Variants in FANCC observed in about 807,000 individuals in gnomAD.
The protein encoded by FANCC is FA complementation group C.
A neutral mutation model predicts 71.3 loss-of-function variants in FANCC; 55 were observed. The observed-to-expected ratio is 0.77, with a 90% CI of 0.62 to 0.97. The LOEUF (loss-of-function observed/expected upper bound fraction) is 0.97, where lower values mean the gene tolerates loss of function less well. Ranked by LOEUF, FANCC falls within the 50% of genes least tolerant of loss-of-function variation. The pLI, the probability that FANCC is intolerant of heterozygous loss-of-function variation, is 0.00. For missense variants in FANCC, 678 were observed against 670.9 expected (o/e 1.01, Z -0.12); for synonymous variants, 275 against 244.9 (o/e 1.12, Z -1.15).
At chr9:95,291,204 A>T (rs1335697001) in intron 1 of FANCC, among the ~76,000 whole-genome samples, 1 of 152,218 alleles carries the variant, frequency 6.6e-6, no homozygotes, top group Non-Finnish European at 1.5e-5. Context: ...TATCCAACAC[A>T]GCACTGGAAA....
intron 1 of FANCC, among the ~76,000 whole-genome samples, chr9:95,255,277 A>G (rs1588366646): frequency 6.6e-6 from 1 of 152,084 alleles, no homozygotes; most frequent in African/African-American, 2.4e-5. Context: ...ACTTCCAAGC[A>G]GGGGTCGACA....
chr9:95,267,072 G>A (rs543942665), intron 1 of FANCC, among the ~76,000 whole-genome samples: 80 of 152,206 alleles, frequency 5.3e-4, no homozygotes, highest in African/African-American at 1.8e-3. Flanking sequence ...GCAAGACCCC[G>A]AGGACAAAAC....
At chr9:95,110,221 A>AGAAAT (rs2071802759) in intron 13 of FANCC, 1 of 996,836 alleles carries the variant, frequency 1.0e-6, no homozygotes, top group African/African-American at 1.7e-5. Context: ...AGAACTTTCT[A>AGAAAT]GAAATTAAGT....
At chr9:95,179,481 G>A (rs1826209540) in intron 4 of FANCC, among the ~76,000 whole-genome samples, 1 of 152,136 alleles carries the variant, frequency 6.6e-6, no homozygotes, top group Admixed American at 6.5e-5. Flanking sequence ...AGAGTAGCTG[G>A]GATTACAGGT....
At position 95,216,646 on chromosome 9, in the gene FANCC, G is replaced by A. The variant is rs566772765; in HGVS notation, c.345+24003C>T. 4.1e-4 allele frequency among the ~76,000 whole-genome samples: 62 copies of A among 152,306 alleles called. 2 individuals are homozygous for A. In the South Asian group the frequency reaches 0.011, roughly 27 times the overall value. ...GAATAATGTCTTCCTCCACGAAAAA[G>A]GAAGTTTGTTTGCAGCCTATTATAA... is the stretch of plus-strand genomic sequence containing the variant. On this transcript the variant is annotated intron_variant, in intron 4 of 14. Coordinates refer to ENST00000289081, the MANE Select transcript of FANCC (RefSeq NM_000136.3).
At position 95,114,718 on chromosome 9, in the gene FANCC, T is replaced by C. The variant is rs1256220248; in HGVS notation, c.1073-8A>G. The stretch of plus-strand genomic sequence containing the variant: ...AGTGTCCCCGAGGGATATCTGCGGG[T>C]GGAGAGAGATACGTCAGAGGGCAAC... On this transcript the variant is annotated splice_polypyrimidine_tract_variant and splice_region_variant and intron_variant, in intron 11 of 14. Coordinates refer to ENST00000289081, the MANE Select transcript of FANCC (RefSeq NM_000136.3). 7 of 1,613,080 alleles carry C rather than the reference T, an allele frequency of 4.3e-6. No individual in the cohort carries two copies. The Admixed American group carries it at 1.0e-4, about 23-fold the overall frequency.
Position 95,126,580 on chromosome 9 carries a change from G to A in FANCC, c.845C>T (p.Pro282Leu). The change falls in exon 9 of 15, where the codon CCT (proline) becomes CTT (leucine). Residue 282 changes from proline to leucine, a missense_variant and splice_region_variant. Coordinates refer to ENST00000289081, the MANE Select transcript of FANCC (RefSeq NM_000136.3). ...TATGGCAGGGTGGCAGGCTGCTTGA[G>A]GCTGTAAAAGGAGAAGACCATGAGA... The part of the protein sequence containing the change: ...IECFIKDSSL[P>L]QAACHPAIFR... The A allele has an allele frequency of 6.2e-7, 1 of 1,613,994 alleles. No individual in the cohort carries two copies. Among genetic ancestry groups the A allele is most frequent in the Non-Finnish European group, 8.5e-7 (1 of 1,179,908 alleles).
chr9:95,168,705 T>C (rs1825466693), intron 6 of FANCC, among the ~76,000 whole-genome samples: 1 of 152,202 alleles, frequency 6.6e-6, no homozygotes. Flanking sequence ...TAATTTGTAC[T>C]TTTAGTAGAG....
chr9:95,283,378 T>C (rs1332171936), intron 1 of FANCC, among the ~76,000 whole-genome samples: 2 of 152,252 alleles, frequency 1.3e-5, no homozygotes, highest in East Asian at 1.9e-4. Context: ...TAGAGTCAGC[T>C]TGGGTTACTC....
rs533955432 is a variant in FANCC, at chr9:95,240,895, T to C, written c.251-152A>G. The C allele has an allele frequency of 9.7e-5, 61 of 630,638 alleles. No individual in the cohort carries two copies. In the African/African-American group the frequency reaches 1.0e-3, roughly 10 times the overall value. 39.1% of individuals were successfully genotyped at this position (630,638 alleles called of 1,614,324 possible). ...ACATTTGCTTTCTCGCCATCATACTTTGCACATTCTCTTTCTGCTGATGGG... is the reference window on the plus strand; with the variant it reads ...ACATTTGCTTTCTCGCCATCATACTCTGCACATTCTCTTTCTGCTGATGGG... On this transcript the variant is annotated intron_variant, in intron 3 of 14. Coordinates refer to ENST00000289081, the MANE Select transcript of FANCC (RefSeq NM_000136.3).
At chr9:95,159,911 T>C (rs972914818) in intron 6 of FANCC, among the ~76,000 whole-genome samples, 1 of 152,230 alleles carries the variant, frequency 6.6e-6, no homozygotes, top group Non-Finnish European at 1.5e-5. Context: ...AAGTTCTTTG[T>C]AGATTCTGGA....
At chr9:95,305,824 TCTC>T (rs1313746865) in intron 1 of FANCC, among the ~76,000 whole-genome samples, 1 of 152,180 alleles carries the variant, frequency 6.6e-6, no homozygotes, top group Admixed American at 6.5e-5. Flanking sequence ...AGAAATGACT[TCTC>T]AGCCTTGAAT....
chr9:95,188,624 T>C (rs1826882461), intron 4 of FANCC, among the ~76,000 whole-genome samples: 1 of 152,208 alleles, frequency 6.6e-6, no homozygotes, highest in African/African-American at 2.4e-5. Context: ...CAGTAAACCT[T>C]ATCATCCTTC....
intron 2 of FANCC, among the ~76,000 whole-genome samples, chr9:95,248,824 G>A (rs1831155546): frequency 1.3e-5 from 2 of 152,206 alleles, no homozygotes; most frequent in Middle Eastern, 3.4e-3. Context: ...AGATTCAAGG[G>A]ACACAAAGGC....
In FANCC at chr9:95,203,391, A is replaced by AAAAAC. The variant is rs1264120868; in HGVS notation, c.346-31245_346-31244insGTTTT. ...AAGACCCTGTCTCAAAAAAAAAAAA[A>AAAAAC]AAAAACACCTGAAAATGTGAAGGAG... On this transcript the variant is annotated intron_variant, in intron 4 of 14. Transcript: ENST00000289081. 1.3e-4 allele frequency among the ~76,000 whole-genome samples: 20 copies of AAAAAC among 151,704 alleles called. No homozygotes were observed. In the South Asian group the frequency reaches 4.2e-3, roughly 32 times the overall value.
At position 95,200,634 on chromosome 9, in the gene FANCC, TATA is replaced by T. The variant is rs1229622669; in HGVS notation, c.346-28490_346-28488del. On this transcript the variant is annotated intron_variant, in intron 4 of 14. Coordinates refer to ENST00000289081, the MANE Select transcript of FANCC (RefSeq NM_000136.3). ...ATCTCATCTATAACATGGAGATAAT[TATA>T]TCTGCCCTGGGGTATCATGAGGTTG... Among the ~76,000 whole-genome samples, 7 of 152,328 alleles carry T rather than the reference TATA, an allele frequency of 4.6e-5. No individual in the cohort carries two copies. In the East Asian group the frequency reaches 1.3e-3, roughly 29 times the overall value.
intron 6 of FANCC, among the ~76,000 whole-genome samples, chr9:95,155,299 GGGGAGA>G (rs1830404042): frequency 1.9e-5 from 1 of 52,272 alleles, no homozygotes. Flanking sequence ...GGGGACGGAA[GGGGAGA>G]GGAGGGGAGG....
chr9:95,227,360 T>C (rs1829684244), intron 4 of FANCC, among the ~76,000 whole-genome samples: 1 of 152,182 alleles, frequency 6.6e-6, no homozygotes, highest in African/African-American at 2.4e-5. Flanking sequence ...CACCAGTGCC[T>C]GGTGGATTTA....
At chr9:95,302,193 T>C (rs1834787242) in intron 1 of FANCC, among the ~76,000 whole-genome samples, 1 of 152,168 alleles carries the variant, frequency 6.6e-6, no homozygotes, top group South Asian at 2.1e-4. Context: ...AACAATCCCT[T>C]TAATGCAGAG....
Sources: gnomAD v4.1 joint callset for allele counts (sites outside exome capture counted in the v4.1 genomes callset) on GRCh38, gnomAD v4.1.1 for gene constraint, MANE v1.5 for transcripts, NCBI Gene and HGNC (gene_info 2026-07-23, HGNC 2026-07-21) for gene names.